The following CPNE8 variants were observed in gnomAD, a reference collection of about 807,000 sequenced individuals.
CPNE8 encodes copine-8.
CPNE8 carries 45 observed loss-of-function variants against 81.5 expected under a neutral mutation model. The ratio of observed to expected loss-of-function variants is 0.55; its 90% CI spans 0.44 to 0.71. The LOEUF (loss-of-function observed/expected upper bound fraction) is 0.71. Ranked by LOEUF, CPNE8 falls within the 30% of genes least tolerant of loss-of-function variation. CPNE8 has a pLI of 0.00. For synonymous variants in CPNE8, 252 were observed against 226.3 expected (o/e 1.11, Z -1.02); for missense variants, 594 against 672.1 (o/e 0.88, Z 1.28).
chr12:38,833,611 T>C (rs1363953749), intron 5 of CPNE8, among the ~76,000 whole-genome samples: 5 of 151,368 alleles, frequency 3.3e-5, no homozygotes, highest in Admixed American at 1.3e-4. Context: ...CCCGAGTAGC[T>C]GGGACTACAG....
chr12:38,686,633 G>C (rs1939541101), intron 15 of CPNE8, among the ~76,000 whole-genome samples: 1 of 152,198 alleles, frequency 6.6e-6, no homozygotes, highest in African/African-American at 2.4e-5. Context: ...GCTCAGCACG[G>C]TGGTTCCTGA....
chr12:38,750,443 C>A (rs1210389602), intron 10 of CPNE8, among the ~76,000 whole-genome samples: 3 of 152,100 alleles, frequency 2.0e-5, no homozygotes, highest in Non-Finnish European at 4.4e-5. Flanking sequence ...AATGCCAGCC[C>A]GTGAAAGCAG....
Position 38,738,153 on chromosome 12 carries a change from C to T in CPNE8, c.723-7795G>A, listed in dbSNP as rs1199271703. On this transcript the variant is annotated intron_variant, in intron 10 of 19. Transcript: ENST00000331366. ...ATTATCTTCCTGACAGACTGAGGTACTCCAAAAAGGGCAACAAGGATCAAC... is the reference window on the plus strand; with the variant it reads ...ATTATCTTCCTGACAGACTGAGGTATTCCAAAAAGGGCAACAAGGATCAAC... Among the ~76,000 whole-genome samples, 34 of 151,470 alleles carry T rather than the reference C, an allele frequency of 2.2e-4. No homozygotes were observed. In the Admixed American group the frequency reaches 2.2e-3, roughly 10 times the overall value.
intron 4 of CPNE8, among the ~76,000 whole-genome samples, chr12:38,846,448 G>A (rs1446861813): frequency 6.6e-6 from 1 of 152,094 alleles, no homozygotes; most frequent in African/African-American, 2.4e-5. Context: ...AAGATTTTGG[G>A]AGCTGGCAAA....
chr12:38,867,344 G>A (rs556759358), intron 3 of CPNE8, among the ~76,000 whole-genome samples: 1 of 135,208 alleles, frequency 7.4e-6, no homozygotes, highest in Non-Finnish European at 1.5e-5. Context: ...GTGTGTGAGA[G>A]AGAGAGAGAG....
intron 7 of CPNE8, among the ~76,000 whole-genome samples, chr12:38,773,603 TA>T (rs1385064650): frequency 6.6e-6 from 1 of 152,166 alleles, no homozygotes; most frequent in Non-Finnish European, 1.5e-5. Context: ...GAGCTGACTC[TA>T]AAGCTTATGT....
intron 7 of CPNE8, among the ~76,000 whole-genome samples, chr12:38,775,434 G>C (rs749806741): frequency 6.6e-6 from 1 of 152,170 alleles, no homozygotes; most frequent in Non-Finnish European, 1.5e-5. Context: ...GTGAGTTTCT[G>C]TTCCTACAAT....
At chr12:38,704,862 A>ATATATATATATATATATATATATT (rs1940064355) in intron 13 of CPNE8, among the ~76,000 whole-genome samples, 1 of 133,376 alleles carries the variant, frequency 7.5e-6, no homozygotes, top group Non-Finnish European at 1.6e-5. Context: ...ATATATATAT[A>ATATATATATATATATATATATATT]TTTAAATTTC....
intron 1 of CPNE8, among the ~76,000 whole-genome samples, chr12:38,903,191 T>A (rs765283853): frequency 6.6e-6 from 1 of 152,220 alleles, no homozygotes; most frequent in Non-Finnish European, 1.5e-5. Context: ...ATTATGTTTC[T>A]CTTTGCCCAA....
At chr12:38,800,204 G>A (rs2136956627) in intron 6 of CPNE8, among the ~76,000 whole-genome samples, 1 of 104,398 alleles carries the variant, frequency 9.6e-6, no homozygotes, top group South Asian at 4.2e-4. Flanking sequence ...TCTGGGGGCA[G>A]GGCACAGACA....
intron 14 of CPNE8, among the ~76,000 whole-genome samples, chr12:38,700,697 G>T (rs1010381080): frequency 5.9e-5 from 9 of 152,148 alleles, no homozygotes; most frequent in Admixed American, 5.2e-4. Flanking sequence ...ATTTCATCTT[G>T]AATTGTAGCT....
At chr12:38,784,551 A>G (rs1469392227) in intron 6 of CPNE8, among the ~76,000 whole-genome samples, 1 of 152,166 alleles carries the variant, frequency 6.6e-6, no homozygotes, top group Non-Finnish European at 1.5e-5. Context: ...GATTTAACCC[A>G]AAGAAGACTA....
At chr12:38,840,676 AT>A (rs1196422013) in intron 4 of CPNE8, among the ~76,000 whole-genome samples, 5 of 152,154 alleles carry the variant, frequency 3.3e-5, no homozygotes, top group African/African-American at 1.2e-4. Flanking sequence ...ATGAGACATT[AT>A]TTTTCCCTAA....
At chr12:38,741,535 A>G (rs1257721281) in intron 10 of CPNE8, among the ~76,000 whole-genome samples, 1 of 152,226 alleles carries the variant, frequency 6.6e-6, no homozygotes, top group Admixed American at 6.5e-5. Flanking sequence ...TTAATTCAAG[A>G]TGGATTAAAG....
intron 6 of CPNE8, among the ~76,000 whole-genome samples, chr12:38,792,185 C>G (rs1028435287): frequency 2.0e-5 from 3 of 150,722 alleles, no homozygotes; most frequent in African/African-American, 4.9e-5. Flanking sequence ...CAAATAAAAA[C>G]AAGAAAAACC....
intron 3 of CPNE8, among the ~76,000 whole-genome samples, chr12:38,868,165 C>A (rs969615560): frequency 6.6e-6 from 1 of 151,888 alleles, no homozygotes; most frequent in Non-Finnish European, 1.5e-5. Flanking sequence ...AATGCTGATA[C>A]CTCCATCAAT....
intron 6 of CPNE8, among the ~76,000 whole-genome samples, chr12:38,776,984 T>C (rs559909970): frequency 3.9e-5 from 6 of 151,992 alleles, no homozygotes; most frequent in African/African-American, 1.4e-4. Context: ...TTCTATACTA[T>C]ACTTTTTATC....
chr12:38,754,861 C>T (rs1941426046), intron 10 of CPNE8, among the ~76,000 whole-genome samples: 1 of 152,020 alleles, frequency 6.6e-6, no homozygotes, highest in Non-Finnish European at 1.5e-5. Flanking sequence ...CTGAAACTTG[C>T]CTGTTAAATA....
chr12:38,861,948 G>T lies in CPNE8; in HGVS notation c.186+11056C>A, dbSNP rs184889679. Among the ~76,000 whole-genome samples, 1,292 of 152,206 alleles carry T rather than the reference G, an allele frequency of 8.5e-3. 18 individuals are homozygous for T. The highest frequency in any genetic ancestry group is 0.037 in the Middle Eastern group (11 of 294). On this transcript the variant is annotated intron_variant, in intron 3 of 19. Transcript: ENST00000331366. The stretch of plus-strand genomic sequence containing the variant: ...ATGGCAATATAATCTGCTAATGTTG[G>T]TATAGTATAACATTATTCCAACTAA...
Sources: gnomAD v4.1 joint callset for allele counts (sites outside exome capture counted in the v4.1 genomes callset) on GRCh38, gnomAD v4.1.1 for gene constraint, MANE v1.5 for transcripts, NCBI Gene and HGNC (gene_info 2026-07-23, HGNC 2026-07-21) for gene names.